Variants in PDE7A observed in about 807,000 individuals in gnomAD.
PDE7A encodes the protein phosphodiesterase 7A.
A neutral mutation model predicts 64.3 loss-of-function variants in PDE7A; 39 were observed. That is an observed-to-expected ratio of 0.61 (90% CI 0.47 to 0.79). PDE7A has a LOEUF of 0.79. Ranked by LOEUF, PDE7A falls within the 30% of genes least tolerant of loss-of-function variation. PDE7A has a pLI of 0.00. For missense variants in PDE7A, 470 were observed against 582.8 expected (o/e 0.81, Z 1.99); for synonymous variants, 203 against 206.8 (o/e 0.98, Z 0.16).
At position 65,841,513 on chromosome 8, in the gene PDE7A, TACGCCCGCCCTGCCTCCGCGCG is replaced by T. The variant is rs1428665907; in HGVS notation, c.-27_-6del. 4.6e-6 allele frequency: 7 copies of T among 1,513,762 alleles called. No individual in the cohort carries two copies. Among genetic ancestry groups the T allele is most frequent in the Non-Finnish European group, 6.1e-6 (7 of 1,138,760 alleles). 93.8% of individuals were successfully genotyped at this position (1,513,762 alleles called of 1,614,324 possible). On this transcript the variant is annotated 5_prime_UTR_variant, in exon 1 of 13. Coordinates refer to ENST00000401827, the MANE Select transcript of PDE7A (RefSeq NM_001242318.3). ...CAGCTGGTAACACACTTCCATTGAATACGCCCGCCCTGCCTCCGCGCGGCGCCCGCCCTGCCGCGGCCGCCGG... is the reference window on the plus strand; with the variant it reads ...CAGCTGGTAACACACTTCCATTGAATGCGCCCGCCCTGCCGCGGCCGCCGG...
chr8:65,775,842 T>TG (rs1809244335), intron 3 of PDE7A, among the ~76,000 whole-genome samples: 1 of 152,214 alleles, frequency 6.6e-6, no homozygotes, highest in South Asian at 2.1e-4. Flanking sequence ...TTGGCCAGGC[T>TG]GGTCTTAAAC....
chr8:65,759,260 T>A (rs1199250901), intron 3 of PDE7A, among the ~76,000 whole-genome samples: 5 of 152,116 alleles, frequency 3.3e-5, no homozygotes, highest in African/African-American at 1.2e-4. Context: ...GGCTCCAAAA[T>A]GGGGGTGAGG....
At chr8:65,741,300 T>G (rs1807421690) in intron 5 of PDE7A, among the ~76,000 whole-genome samples, 1 of 152,154 alleles carries the variant, frequency 6.6e-6, no homozygotes, top group African/African-American at 2.4e-5. Flanking sequence ...ATTCTAGTAT[T>G]CTCTCGTCTA....
At chr8:65,769,484 C>T (rs1271463360) in intron 3 of PDE7A, among the ~76,000 whole-genome samples, 3 of 152,112 alleles carry the variant, frequency 2.0e-5, no homozygotes, top group Non-Finnish European at 4.4e-5. Flanking sequence ...CATCAAAATC[C>T]CTCTATCTTG....
intron 1 of PDE7A, among the ~76,000 whole-genome samples, chr8:65,815,271 A>G (rs1810373526): frequency 6.6e-6 from 1 of 152,202 alleles, no homozygotes; most frequent in Non-Finnish European, 1.5e-5. Flanking sequence ...TATAAGAGCC[A>G]TTAAATTTAG....
chr8:65,830,728 A>G (rs1049418755), intron 1 of PDE7A, among the ~76,000 whole-genome samples: 1 of 152,126 alleles, frequency 6.6e-6, no homozygotes, highest in African/African-American at 2.4e-5. Context: ...ATGGACATAC[A>G]CAATTTTCGT....
At chr8:65,740,171 G>A (rs201585346) in intron 5 of PDE7A, among the ~76,000 whole-genome samples, 4 of 150,064 alleles carry the variant, frequency 2.7e-5, no homozygotes, top group Non-Finnish European at 4.4e-5. Context: ...AGTTGCTTGG[G>A]GGGGTGGGGA....
At position 65,792,354 on chromosome 8, in the gene PDE7A, T is replaced by C. The variant is rs562887184; in HGVS notation, c.139-9511A>G. Among the ~76,000 whole-genome samples the C allele has an allele frequency of 7.9e-5, 12 of 152,360 alleles. No individual in the cohort carries two copies. The South Asian group carries it at 2.5e-3, about 32-fold the overall frequency. On this transcript the variant is annotated intron_variant, in intron 1 of 12. Coordinates refer to ENST00000401827, the MANE Select transcript of PDE7A (RefSeq NM_001242318.3). Reference sequence around the variant, plus strand: ...GAGTTAAAAGCAGACCTCACTATTTTATGAGTGTGATCAATAGGAAAAAAA... The same window carrying C: ...GAGTTAAAAGCAGACCTCACTATTTCATGAGTGTGATCAATAGGAAAAAAA...
At chr8:65,836,486 G>A (rs1276950585) in intron 1 of PDE7A, among the ~76,000 whole-genome samples, 1 of 152,114 alleles carries the variant, frequency 6.6e-6, no homozygotes, top group Non-Finnish European at 1.5e-5. Flanking sequence ...TAATATCAAA[G>A]GATAGATCCT....
At position 65,819,229 on chromosome 8, in the gene PDE7A, A is replaced by C. The variant is rs558329763; in HGVS notation, c.138+22142T>G. Reference sequence around the variant, plus strand: ...GGCAACATAGTGAGACACTGTCTCTACAAAAAAATATATGTTAAGTTAGCT... The same window carrying C: ...GGCAACATAGTGAGACACTGTCTCTCCAAAAAAATATATGTTAAGTTAGCT... On this transcript the variant is annotated intron_variant, in intron 1 of 12. Coordinates refer to ENST00000401827, the MANE Select transcript of PDE7A (RefSeq NM_001242318.3). Among the ~76,000 whole-genome samples, 11 of 152,296 alleles carry C rather than the reference A, an allele frequency of 7.2e-5. No homozygotes were observed. The South Asian group carries it at 2.1e-3, about 29-fold the overall frequency.
intron 1 of PDE7A, among the ~76,000 whole-genome samples, chr8:65,807,118 A>G (rs1810131753): frequency 6.6e-6 from 1 of 152,218 alleles, no homozygotes; most frequent in Non-Finnish European, 1.5e-5. Context: ...CTGTAGATCA[A>G]TTTGGGGAGT....
intron 1 of PDE7A, among the ~76,000 whole-genome samples, chr8:65,790,092 GAC>G (rs1404771974): frequency 1.3e-5 from 2 of 152,218 alleles, no homozygotes; most frequent in Admixed American, 6.5e-5. Flanking sequence ...GAAGACAGAA[GAC>G]AGATTGTGCA....
chr8:65,782,771 AATAATGCTTACCTAGCAT>A lies in PDE7A; in HGVS notation c.193_199+11del. On this transcript the variant is annotated splice_donor_variant and splice_donor_5th_base_variant and coding_sequence_variant and intron_variant, in exon 2 of 13. Transcript: ENST00000401827. LOFTEE classifies it high-confidence loss of function. ...AATTAACTGATATTGGTATAAAATA[AATAATGCTTACCTAGCAT>A]ACGAATGTATAATGCAGTCTGATCA... The A allele has an allele frequency of 1.3e-6, 2 of 1,488,864 alleles. No individual in the cohort carries two copies. The highest frequency in any genetic ancestry group is 1.9e-6 in the Non-Finnish European group (2 of 1,073,766). The allele number at this position is 1,488,864 out of a possible 1,614,324, so 92.2% of individuals were successfully genotyped here. A position where few individuals can be genotyped will look rare whatever the true frequency, so the allele number is the denominator to read the frequency against.
chr8:65,817,805 T>G (rs1454399964), intron 1 of PDE7A, among the ~76,000 whole-genome samples: 4 of 148,822 alleles, frequency 2.7e-5, no homozygotes. Flanking sequence ...CAGGCTGGAG[T>G]GCAGCGGCGC....
At chr8:65,733,908 T>C (rs1237304724) in intron 7 of PDE7A, among the ~76,000 whole-genome samples, 1 of 152,092 alleles carries the variant, frequency 6.6e-6, no homozygotes, top group Non-Finnish European at 1.5e-5. Flanking sequence ...GAGAGAGCAG[T>C]TTTGAAGTAG....
Position 65,724,915 on chromosome 8 carries a change from T to C in PDE7A, c.927A>G (p.Gln309=). The C allele has an allele frequency of 1.3e-6, 2 of 1,590,338 alleles. No individual in the cohort carries two copies. The highest frequency in any genetic ancestry group is 1.7e-6 in the Non-Finnish European group (2 of 1,167,648). Reference sequence around the variant, plus strand: ...TCAGAGCACCTATCTGTGTCTCCATTTGTTGCCTGGAAATAGAGAAATATA... The same window carrying C: ...TCAGAGCACCTATCTGTGTCTCCATCTGTTGCCTGGAAATAGAGAAATATA... ...FSHLPLESRQ[Q]METQIGALIL... The change falls in exon 10 of 13, where the codon CAA becomes CAG. Residue 309 remains glutamine, a synonymous_variant. Transcript: ENST00000401827.
At chr8:65,733,896 G>C (rs917842603) in intron 7 of PDE7A, among the ~76,000 whole-genome samples, 1 of 152,138 alleles carries the variant, frequency 6.6e-6, no homozygotes, top group African/African-American at 2.4e-5. Flanking sequence ...CTAAGATCTA[G>C]GGAGAGAGCA....
intron 1 of PDE7A, among the ~76,000 whole-genome samples, chr8:65,785,256 T>C (rs1809519646): frequency 6.6e-6 from 1 of 152,068 alleles, no homozygotes; most frequent in East Asian, 1.9e-4. Flanking sequence ...GATACAGAGG[T>C]AGGAGAGGGG....
At chr8:65,779,657 CTG>C in intron 3 of PDE7A, 61 bp downstream of exon 3, 3 of 833,390 alleles carry the variant, frequency 3.6e-6, no homozygotes, top group Admixed American at 2.4e-5. Flanking sequence ...CCTTGGAAAA[CTG>C]TGTAATTTTA....
Sources: allele counts gnomAD v4.1 joint callset (sites outside exome capture counted in the v4.1 genomes callset), GRCh38; gene constraint gnomAD v4.1.1; transcripts MANE v1.5; gene names NCBI Gene and HGNC (gene_info 2026-07-23, HGNC 2026-07-21).